Variants in MAGI2 observed in about 807,000 individuals in gnomAD.
MAGI2 encodes membrane associated guanylate kinase, WW and PDZ domain containing 2.
In MAGI2, 35 loss-of-function variants were observed where a neutral mutation model predicts 133.3. That is an observed-to-expected ratio of 0.26 (90% CI 0.20 to 0.35). MAGI2 has a LOEUF of 0.35. Ranked by LOEUF, MAGI2 falls within the 10% of genes least tolerant of loss-of-function variation. The pLI is 1.00. For missense variants in MAGI2, 1,636 were observed against 1,863.4 expected, an observed-to-expected ratio of 0.88 and a Z score of 2.25; for synonymous variants, 729 against 710.6, an observed-to-expected ratio of 1.03 and a Z score of -0.41.
intron 6 of MAGI2, among the ~76,000 whole-genome samples, chr7:78,386,092 C>A (rs1400078187): frequency 6.6e-6 from 1 of 152,108 alleles, no homozygotes; most frequent in Non-Finnish European, 1.5e-5. Flanking sequence ...TGTCCCACCT[C>A]TGCAGCATTC....
chr7:78,218,935 C>G (rs934218750), intron 10 of MAGI2, among the ~76,000 whole-genome samples: 17 of 152,176 alleles, frequency 1.1e-4, no homozygotes, highest in Admixed American at 2.6e-4. Flanking sequence ...TTCATCATAG[C>G]CGACATTTTG....
intron 2 of MAGI2, among the ~76,000 whole-genome samples, chr7:78,698,290 A>G (rs1563370903): frequency 6.6e-6 from 1 of 152,154 alleles, no homozygotes. Context: ...AAAGGTTCCA[A>G]AATCTGAAAA....
Position 79,133,486 on chromosome 7 carries a change from C to T in MAGI2, c.302-126280G>A, listed in dbSNP as rs188061647. The stretch of plus-strand genomic sequence containing the variant: ...ATGTATTTGGCTTTATTTCTGGGAT[C>T]TCTGTTCTGTTCCATTGTCCCATAT... On this transcript the variant is annotated intron_variant, in intron 1 of 21. Coordinates refer to ENST00000354212, the MANE Select transcript of MAGI2 (RefSeq NM_012301.4). Among the ~76,000 whole-genome samples, 20 of 152,264 alleles carry T rather than the reference C, an allele frequency of 1.3e-4. No individual in the cohort carries two copies. In the East Asian group the frequency reaches 3.5e-3, roughly 26 times the overall value.
intron 12 of MAGI2, among the ~76,000 whole-genome samples, chr7:78,187,005 T>G (rs901852503): frequency 6.6e-6 from 1 of 152,132 alleles, no homozygotes; most frequent in Non-Finnish European, 1.5e-5. Flanking sequence ...AAGCTAAAGA[T>G]CTACGTTAAG....
intron 6 of MAGI2, among the ~76,000 whole-genome samples, chr7:78,427,806 A>G (rs796225524): frequency 3.2e-4 from 48 of 152,300 alleles, no homozygotes; most frequent in African/African-American, 1.1e-3. Context: ...CTGTATAATC[A>G]TATCTACAAT....
chr7:79,447,469 C>T (rs957280750), intron 1 of MAGI2, among the ~76,000 whole-genome samples: 1 of 151,776 alleles, frequency 6.6e-6, no homozygotes, highest in African/African-American at 2.4e-5. Context: ...AATACTGAAC[C>T]CTGGAGCTTC....
intron 1 of MAGI2, among the ~76,000 whole-genome samples, chr7:79,037,780 A>G (rs1263478108): frequency 2.0e-5 from 3 of 152,202 alleles, no homozygotes; most frequent in Admixed American, 2.0e-4. Flanking sequence ...CTAGTAATCT[A>G]CAGATATGCT....
intron 2 of MAGI2, among the ~76,000 whole-genome samples, chr7:78,903,607 A>T (rs1422168294): frequency 6.6e-6 from 1 of 152,170 alleles, no homozygotes; most frequent in African/African-American, 2.4e-5. Flanking sequence ...AAGTGAAGTT[A>T]AAGCCATAGC....
chr7:78,307,520 C>T (rs1396992347), intron 9 of MAGI2, among the ~76,000 whole-genome samples: 3 of 152,058 alleles, frequency 2.0e-5, no homozygotes, highest in Non-Finnish European at 4.4e-5. Flanking sequence ...CCCTGTGTAC[C>T]TAGAGAGCTT....
chr7:78,749,712 T>G (rs1823271598), intron 2 of MAGI2, among the ~76,000 whole-genome samples: 1 of 151,994 alleles, frequency 6.6e-6, no homozygotes, highest in Non-Finnish European at 1.5e-5. Context: ...ATGTTAAAGA[T>G]TTTTGAGGAA....
chr7:78,368,586 C>A (rs1190653540), intron 7 of MAGI2, among the ~76,000 whole-genome samples: 1 of 151,616 alleles, frequency 6.6e-6, no homozygotes, highest in East Asian at 1.9e-4. Flanking sequence ...ATAATTTAAC[C>A]CTGAATAGTG....
intron 9 of MAGI2, among the ~76,000 whole-genome samples, chr7:78,257,329 T>C (rs1399801931): frequency 6.6e-6 from 1 of 152,218 alleles, no homozygotes; most frequent in African/African-American, 2.4e-5. Context: ...AAATGTGGAC[T>C]ATTATTAATA....
At chr7:78,347,950 T>C (rs1472766742) in intron 7 of MAGI2, among the ~76,000 whole-genome samples, 1 of 152,252 alleles carries the variant, frequency 6.6e-6, no homozygotes, top group African/African-American at 2.4e-5. Context: ...CACCCTGTTT[T>C]GGAAGGACCA....
intron 1 of MAGI2, among the ~76,000 whole-genome samples, chr7:79,081,762 A>T (rs1816056293): frequency 6.6e-6 from 1 of 152,076 alleles, no homozygotes; most frequent in South Asian, 2.1e-4. Flanking sequence ...TCATATCAGA[A>T]CTTTTTCCAT....
chr7:78,799,720 G>A (rs1418302242), intron 2 of MAGI2, among the ~76,000 whole-genome samples: 1 of 152,172 alleles, frequency 6.6e-6, no homozygotes, highest in Non-Finnish European at 1.5e-5. Context: ...TAATTCCTCA[G>A]AAGTGCTTTA....
intron 2 of MAGI2, among the ~76,000 whole-genome samples, chr7:78,835,412 G>A (rs543836996): frequency 2.0e-5 from 3 of 152,294 alleles, no homozygotes; most frequent in East Asian, 3.9e-4. Flanking sequence ...GGTTTAGGCA[G>A]CCTGCAAGAA....
chr7:79,316,401 C>G (rs951231508), intron 1 of MAGI2, among the ~76,000 whole-genome samples: 1 of 152,144 alleles, frequency 6.6e-6, no homozygotes, highest in African/African-American at 2.4e-5. Flanking sequence ...TTCATATCCA[C>G]AGTTTCATGT....
intron 2 of MAGI2, among the ~76,000 whole-genome samples, chr7:78,872,308 A>G (rs188602245): frequency 1.3e-5 from 2 of 152,174 alleles, no homozygotes; most frequent in East Asian, 1.9e-4. Flanking sequence ...ACAGCAATTT[A>G]TCAAAAGAAT....
At chr7:78,039,286 A>G (rs1011314084) in intron 21 of MAGI2, among the ~76,000 whole-genome samples, 2 of 152,242 alleles carry the variant, frequency 1.3e-5, no homozygotes, top group Middle Eastern at 3.2e-3. Flanking sequence ...CACCTGAATT[A>G]ATCAATTAAA....
Sources: allele counts gnomAD v4.1 joint callset (sites outside exome capture counted in the v4.1 genomes callset), GRCh38; gene constraint gnomAD v4.1.1; transcripts MANE v1.5; gene names NCBI Gene and HGNC (gene_info 2026-07-23, HGNC 2026-07-21).